RP1: variants seen among roughly 807,000 people sequenced by gnomAD.
RP1 encodes the protein oxygen-regulated protein 1.
Under a neutral mutation model 14.8 loss-of-function variants are expected in RP1, and 16 were observed. The ratio of observed to expected loss-of-function variants is 1.08; its 90% CI spans 0.73 to 1.65. RP1 has a LOEUF of 1.65. RP1 is among the 40% of genes most tolerant of loss of function. The pLI, the probability that RP1 is intolerant of heterozygous loss-of-function variation, is 0.00. For missense variants in RP1, 2,631 were observed against 2,535.0 expected (o/e 1.04, Z -0.81); for synonymous variants, 876 against 883.6 (o/e 0.99, Z 0.15).
chr8:54,862,155 T>G (rs2129328761), intron 27 of RP1, among the ~76,000 whole-genome samples: 1 of 152,270 alleles, frequency 6.6e-6, no homozygotes, highest in Middle Eastern at 3.4e-3. Flanking sequence ...CTAAGAAACC[T>G]CAGGTTCTAA....
At chr8:54,595,849 G>T (rs1038421154) in intron 1 of RP1, among the ~76,000 whole-genome samples, 2 of 152,136 alleles carry the variant, frequency 1.3e-5, no homozygotes, top group African/African-American at 4.8e-5. Context: ...TGCTCTTACA[G>T]TATTTCAAAC....
intron 24 of RP1, among the ~76,000 whole-genome samples, chr8:54,793,572 A>C (rs1680106203): frequency 6.6e-6 from 1 of 151,986 alleles, no homozygotes; most frequent in Non-Finnish European, 1.5e-5. Context: ...AGGAAGGATA[A>C]AAATAATGTG....
intron 24 of RP1, among the ~76,000 whole-genome samples, chr8:54,833,239 C>A (rs1811575297): frequency 6.6e-6 from 1 of 151,860 alleles, no homozygotes; most frequent in African/African-American, 2.4e-5. Context: ...CTGTGTGTTT[C>A]TGCTTGAGTT....
exon 13 of RP1, chr8:54,699,541 G>T (rs866543109): frequency 7.1e-7 from 1 of 1,399,768 alleles, no homozygotes; most frequent in Non-Finnish European, 9.4e-7. Flanking sequence ...TCTTTCTCTT[G>T]CTCTTGACAA....
At chr8:54,562,674 C>CAA (rs202200045) in intron 1 of RP1, among the ~76,000 whole-genome samples, 1 of 140,838 alleles carries the variant, frequency 7.1e-6, no homozygotes, top group Non-Finnish European at 1.5e-5. Context: ...AACTCCGTCT[C>CAA]AAAAAAAAAA....
chr8:54,631,322 A>G (rs1806242446), downstream of RP1, among the ~76,000 whole-genome samples: 1 of 152,218 alleles, frequency 6.6e-6, no homozygotes, highest in Non-Finnish European at 1.5e-5. Flanking sequence ...TAGTGAAAAT[A>G]TGGAAGCTAT....
chr8:54,607,909 T>G (rs1457127770), intron 1 of RP1, among the ~76,000 whole-genome samples: 2 of 152,112 alleles, frequency 1.3e-5, no homozygotes, highest in African/African-American at 2.4e-5. Context: ...AGTATTAGGG[T>G]GGGAGTGACC....
intron 10 of RP1, chr8:54,679,559 ACTT>A: frequency 6.5e-7 from 1 of 1,535,906 alleles, no homozygotes; most frequent in South Asian, 1.2e-5. Context: ...AAAGCATGAC[ACTT>A]CTGAAATTAA....
intron 1 of RP1, among the ~76,000 whole-genome samples, chr8:54,593,762 C>A (rs1386361499): frequency 6.6e-6 from 1 of 152,222 alleles, no homozygotes; most frequent in Non-Finnish European, 1.5e-5. Context: ...GCAGCCTCAC[C>A]AGTGGAACTC....
intron 23 of RP1, chr8:54,781,069 T>C (rs1810174166): frequency 1.0e-6 from 1 of 983,686 alleles, no homozygotes; most frequent in Admixed American, 6.2e-5. Context: ...GTAAGCCTCC[T>C]AAGGCTGTGG....
chr8:54,743,730 A>G (rs1032843139), intron 19 of RP1, among the ~76,000 whole-genome samples: 6 of 152,098 alleles, frequency 3.9e-5, no homozygotes, highest in Non-Finnish European at 8.8e-5. Context: ...CTAGCCCTGG[A>G]ATTACCTATT....
At chr8:54,616,615 T>C (rs1334646215) in intron 1 of RP1, among the ~76,000 whole-genome samples, 2 of 152,252 alleles carry the variant, frequency 1.3e-5, no homozygotes, top group African/African-American at 2.4e-5. Context: ...CTCTGCCCCA[T>C]AGGCTTATGA....
chr8:54,699,287 G>A (rs999679134), intron 12 of RP1, among the ~76,000 whole-genome samples: 27 of 152,030 alleles, frequency 1.8e-4, no homozygotes, highest in Admixed American at 3.9e-4. Flanking sequence ...TGAGAAAAGT[G>A]CATACATTAT....
chr8:54,836,151 G>T (rs1182801996), intron 24 of RP1, among the ~76,000 whole-genome samples: 1 of 152,170 alleles, frequency 6.6e-6, no homozygotes, highest in Admixed American at 6.5e-5. Context: ...AAGGTAGCAG[G>T]TCTGGATAAC....
At chr8:54,763,695 C>G (rs1167052632) in intron 22 of RP1, among the ~76,000 whole-genome samples, 1 of 152,046 alleles carries the variant, frequency 6.6e-6, no homozygotes, top group Non-Finnish European at 1.5e-5. Flanking sequence ...AACAAACAAA[C>G]AAACAAAACG....
chr8:54,788,028 A>T (rs551714209), intron 24 of RP1, among the ~76,000 whole-genome samples: 2 of 152,040 alleles, frequency 1.3e-5, no homozygotes, highest in South Asian at 4.2e-4. Context: ...AGTATAAAAC[A>T]CTCTTATCAT....
intron 24 of RP1, among the ~76,000 whole-genome samples, chr8:54,795,958 C>A (rs1036143552): frequency 6.6e-6 from 1 of 152,150 alleles, no homozygotes; most frequent in Non-Finnish European, 1.5e-5. Flanking sequence ...TTTCTCTTTC[C>A]ATTCTCTCTT....
intron 3 of RP1, among the ~76,000 whole-genome samples, chr8:54,637,181 G>T (rs1160944548): frequency 1.3e-5 from 2 of 152,222 alleles, no homozygotes; most frequent in African/African-American, 4.8e-5. Flanking sequence ...AACAGATAGA[G>T]TCTCATGAAA....
Position 54,679,629 on chromosome 8 carries a change from T to G in RP1, c.1587+2T>G. ...TTGGAACTTAAGAGAAAAGAAACAGTAAGATTTTGTTTGGGCTTTAGATTA... is the reference window on the plus strand; with the variant it reads ...TTGGAACTTAAGAGAAAAGAAACAGGAAGATTTTGTTTGGGCTTTAGATTA... On this transcript the variant is annotated splice_donor_variant, in intron 11 of 22. Coordinates refer to the RP1 transcript ENST00000636932. LOFTEE classifies it high-confidence loss of function. 6.5e-7 allele frequency: 1 copy of G among 1,535,848 alleles called. No individual in the cohort carries two copies. The highest frequency in any genetic ancestry group is 8.7e-7 in the Non-Finnish European group (1 of 1,146,758).
Sources: allele counts gnomAD v4.1 joint callset (sites outside exome capture counted in the v4.1 genomes callset), GRCh38; gene constraint gnomAD v4.1.1; transcripts MANE v1.5; gene names NCBI Gene and HGNC (gene_info 2026-07-23, HGNC 2026-07-21).